The following DPYSL2 variants were observed in gnomAD, a reference collection of about 807,000 sequenced individuals.
DPYSL2 encodes the protein dihydropyrimidinase-related protein 2.
DPYSL2 carries 13 observed loss-of-function variants against 69.9 expected under a neutral mutation model. The observed-to-expected ratio is 0.19, with a 90% CI of 0.12 to 0.30. The LOEUF (loss-of-function observed/expected upper bound fraction) is 0.30, where lower values mean the gene tolerates loss of function less well. DPYSL2 is among the 10% of genes least tolerant of loss of function. The probability of loss-of-function intolerance (pLI) is 1.00; values close to 1 mark genes in which losing one functional copy is unlikely to be tolerated. For synonymous variants in DPYSL2, 326 were observed against 359.1 expected (o/e 0.91, Z 1.04); for missense variants, 587 against 918.9 (o/e 0.64, Z 4.67).
intron 1 of DPYSL2, among the ~76,000 whole-genome samples, chr8:26,549,055 G>A (rs1800829559): frequency 6.6e-6 from 1 of 150,884 alleles, no homozygotes; most frequent in Non-Finnish European, 1.5e-5. Context: ...TAGGGATGGT[G>A]GCAGGTGCCT....
chr8:26,521,655 C>T (rs1304729099), intron 1 of DPYSL2, among the ~76,000 whole-genome samples: 2 of 152,140 alleles, frequency 1.3e-5, no homozygotes, highest in African/African-American at 4.8e-5. Flanking sequence ...TACCATTAAG[C>T]AGTCACTTTC....
At chr8:26,577,904 C>T in intron 1 of DPYSL2, 2 of 1,147,872 alleles carry the variant, frequency 1.7e-6, no homozygotes, top group South Asian at 4.1e-5. Flanking sequence ...GAGTGGCTGG[C>T]GGCGCATGCG....
chr8:26,529,303 CATCT>C (rs57786172), intron 1 of DPYSL2, among the ~76,000 whole-genome samples: 92 of 147,562 alleles, frequency 6.2e-4, no homozygotes, highest in Admixed American at 2.6e-3. Context: ...ATCTATCTAT[CATCT>C]ATCTATCTAT....
intron 1 of DPYSL2, among the ~76,000 whole-genome samples, chr8:26,522,170 C>T (rs755667424): frequency 6.6e-6 from 1 of 152,034 alleles, no homozygotes; most frequent in Non-Finnish European, 1.5e-5. Context: ...TAGCCGGGCA[C>T]GGTGGCACAC....
Position 26,653,459 on chromosome 8 carries a change from C to A in DPYSL2, c.1942+62C>A. 6.6e-7 allele frequency: 1 copy of A among 1,520,526 alleles called. No homozygotes were observed. The highest frequency in any genetic ancestry group is 8.9e-7 in the Non-Finnish European group (1 of 1,124,502). The allele number at this position is 1,520,526 out of a possible 1,614,324, so 94.2% of individuals were successfully genotyped here. ...GGCCAGCTCGCTGGTGCTGGCGAGG[C>A]TACAGTTGCATTTGGAAAGGACACA... On this transcript the variant is annotated intron_variant, in intron 13 of 13. Coordinates refer to ENST00000521913, the MANE Select transcript of DPYSL2 (RefSeq NM_001197293.3). The surrounding 1 kb of genome is among the most constrained non-coding windows in gnomAD (Gnocchi z 5.7).
chr8:26,555,573 C>T (rs1800932186), intron 1 of DPYSL2, among the ~76,000 whole-genome samples: 1 of 151,586 alleles, frequency 6.6e-6, no homozygotes, highest in Non-Finnish European at 1.5e-5. Flanking sequence ...TCTACAATTC[C>T]CTATGCACAA....
At chr8:26,581,080 G>A (rs532038863) in intron 1 of DPYSL2, among the ~76,000 whole-genome samples, 6 of 152,262 alleles carry the variant, frequency 3.9e-5, no homozygotes, top group South Asian at 2.1e-4. Flanking sequence ...TTTCTTAACA[G>A]CCTAGTTAAA....
rs1181238005 is a variant in DPYSL2, at chr8:26,619,569, G to A, written c.629-4574G>A. 2 of 152,154 alleles carry A rather than the reference G, an allele frequency of 1.3e-5. No individual in the cohort carries two copies. The highest frequency in any genetic ancestry group is 2.4e-5 in the African/African-American group (1 of 41,408). The allele number at this position is 152,154 out of a possible 1,614,324, so 9.4% of individuals were successfully genotyped here. A position where few individuals can be genotyped will look rare whatever the true frequency, so the allele number is the denominator to read the frequency against. On this transcript the variant is annotated intron_variant, in intron 3 of 13. Coordinates refer to ENST00000521913, the MANE Select transcript of DPYSL2 (RefSeq NM_001197293.3). This position sits in a 1 kb window ranked among gnomAD's most constrained non-coding sequence, Gnocchi z 4.8. The stretch of plus-strand genomic sequence containing the variant: ...AATGGAGGTGGAGGGAGAAGTTTTG[G>A]GAAAAGATTTGCACTCAGTTAATGA...
intron 1 of DPYSL2, among the ~76,000 whole-genome samples, chr8:26,574,126 G>A (rs1185349920): frequency 1.3e-5 from 2 of 152,184 alleles, no homozygotes; most frequent in African/African-American, 4.8e-5. Flanking sequence ...GCTGAACACA[G>A]GAAGGAGTGC....
chr8:26,582,355 G>A lies in DPYSL2; in HGVS notation c.443+298G>A, dbSNP rs915737254. ...AGCTCAAATACTTGGTTTGTGATAT[G>A]TTGAATATATTAAAGTTTTGCCTAG... is the stretch of plus-strand genomic sequence containing the variant. On this transcript the variant is annotated intron_variant, in intron 2 of 13. Coordinates refer to ENST00000521913, the MANE Select transcript of DPYSL2 (RefSeq NM_001197293.3). The surrounding 1 kb of genome is among the most constrained non-coding windows in gnomAD (Gnocchi z 4.1). Among the ~76,000 whole-genome samples, 6 of 152,208 alleles carry A rather than the reference G, an allele frequency of 3.9e-5. No individual in the cohort carries two copies. The highest frequency in any genetic ancestry group is 3.3e-4 in the Admixed American group (5 of 15,286).
chr8:26,521,646 A>G (rs942515863), intron 1 of DPYSL2, among the ~76,000 whole-genome samples: 2 of 152,116 alleles, frequency 1.3e-5, no homozygotes, highest in Admixed American at 6.5e-5. Context: ...GAAACTTTGT[A>G]CCATTAAGCA....
intron 1 of DPYSL2, among the ~76,000 whole-genome samples, chr8:26,543,770 A>G (rs993082812): frequency 1.3e-5 from 2 of 152,170 alleles, no homozygotes; most frequent in African/African-American, 4.8e-5. Context: ...TACAGGCGTG[A>G]GCCACCGCGC....
intron 3 of DPYSL2, among the ~76,000 whole-genome samples, chr8:26,594,472 A>G (rs941276484): frequency 7.9e-5 from 12 of 152,042 alleles, no homozygotes; most frequent in African/African-American, 2.7e-4. Flanking sequence ...CTATTTCCCT[A>G]CCTACCTATC....
At chr8:26,577,402 G>GCCCGGGAGCCCT (rs1195499189) in intron 1 of DPYSL2, 1 of 155,378 alleles carries the variant, frequency 6.4e-6, no homozygotes, top group East Asian at 1.9e-4. Flanking sequence ...GGGGAGGAGG[G>GCCCGGGAGCCCT]CCCGGGAGCC....
At chr8:26,589,324 A>G (rs1466831405) in intron 3 of DPYSL2, among the ~76,000 whole-genome samples, 8 of 152,334 alleles carry the variant, frequency 5.3e-5, no homozygotes, top group South Asian at 2.1e-4. Flanking sequence ...CCCACAGCCC[A>G]GGTGGCATTC....
At chr8:26,637,686 T>C (rs1182982943) in intron 8 of DPYSL2, 1 of 152,200 alleles carries the variant, frequency 6.6e-6, no homozygotes, top group Admixed American at 6.5e-5. Flanking sequence ...GTATTAATTG[T>C]TTGCCTCCAG....
At position 26,514,569 on chromosome 8, in the gene DPYSL2, T is replaced by C. The variant is rs879486105; in HGVS notation, c.244T>C (p.Tyr82His). ...AHLGPDPQPP[Y>H]SRQGRRAGGE... ...CTTGGGCCCGGACCCGCAGCCGCCG[T>C]ACTCGCGGCAGGGCCGGCGCGCCGG... Residue 82 changes from tyrosine to histidine, a missense_variant, in exon 1 of 14, where the codon TAC (tyrosine) becomes CAC (histidine). By Grantham distance (83) the Tyr-to-His change is moderately conservative. This residue lies in a region of DPYSL2 where 85 missense variants were observed against 77.7 expected (regional missense o/e 1.09). Coordinates refer to ENST00000521913, the MANE Select transcript of DPYSL2 (RefSeq NM_001197293.3). The surrounding 1 kb of genome is among the most constrained non-coding windows in gnomAD (Gnocchi z 8.4). The C allele has an allele frequency of 1.3e-5, 20 of 1,526,650 alleles. No homozygotes were observed. Among genetic ancestry groups the C allele is most frequent in the Non-Finnish European group, 1.8e-5 (20 of 1,142,480 alleles). 94.6% of individuals were successfully genotyped at this position (1,526,650 alleles called of 1,614,324 possible).
At chr8:26,646,848 T>G (rs924651618) in intron 10 of DPYSL2, among the ~76,000 whole-genome samples, 2 of 152,004 alleles carry the variant, frequency 1.3e-5, no homozygotes, top group Admixed American at 1.3e-4. Context: ...CCTGGTATGG[T>G]GGTGCATGCC....
At chr8:26,576,691 A>C (rs1316387517) in intron 1 of DPYSL2, among the ~76,000 whole-genome samples, 2 of 152,102 alleles carry the variant, frequency 1.3e-5, no homozygotes, top group Non-Finnish European at 2.9e-5. Flanking sequence ...CAGTCAGGAC[A>C]CTCTTGATTT....
Sources: allele counts gnomAD v4.1 joint callset (sites outside exome capture counted in the v4.1 genomes callset), GRCh38; gene constraint gnomAD v4.1.1; regional missense constraint gnomAD v4.1.1; non-coding constraint Gnocchi (gnomAD v3.1); transcripts MANE v1.5; gene names NCBI Gene and HGNC (gene_info 2026-07-23, HGNC 2026-07-21).